Variants in BTBD7 observed in about 807,000 individuals in gnomAD.
The protein encoded by BTBD7 is BTB domain containing 7, also known as BTB/POZ domain-containing protein 7.
A neutral mutation model predicts 99.9 loss-of-function variants in BTBD7; 38 were observed. The ratio of observed to expected loss-of-function variants is 0.38; its 90% CI spans 0.29 to 0.50. The LOEUF (loss-of-function observed/expected upper bound fraction) is 0.50, where lower values mean the gene tolerates loss of function less well. Ranked by LOEUF, BTBD7 falls within the 20% of genes least tolerant of loss-of-function variation. The probability of loss-of-function intolerance (pLI) is 0.93; values close to 1 mark genes in which losing one functional copy is unlikely to be tolerated. For synonymous variants in BTBD7, 520 were observed against 511.4 expected (o/e 1.02, Z -0.23); for missense variants, 1,170 against 1,394.6 (o/e 0.84, Z 2.57).
At chr14:93,275,873 A>G (rs967223960) in intron 3 of BTBD7, among the ~76,000 whole-genome samples, 3 of 152,224 alleles carry the variant, frequency 2.0e-5, no homozygotes, top group African/African-American at 4.8e-5. Flanking sequence ...TATGTGGTAC[A>G]TGACCATTTA....
intron 1 of BTBD7, among the ~76,000 whole-genome samples, chr14:93,314,093 C>T (rs116603554): frequency 0.017 from 2,557 of 152,146 alleles, 79 homozygotes; most frequent in African/African-American, 0.059. Context: ...TTATGAAATA[C>T]TTCTTAAATA....
At chr14:93,272,361 C>T (rs749442618) in intron 3 of BTBD7, among the ~76,000 whole-genome samples, 9 of 152,168 alleles carry the variant, frequency 5.9e-5, no homozygotes, top group Admixed American at 1.3e-4. Context: ...GAGGATTACA[C>T]TGGAAATTGG....
chr14:93,326,066 C>T (rs1219287455), intron 1 of BTBD7, among the ~76,000 whole-genome samples: 1 of 152,098 alleles, frequency 6.6e-6, no homozygotes, highest in Non-Finnish European at 1.5e-5. Flanking sequence ...CAAAAAACCA[C>T]CACAGCGTGG....
chr14:93,322,917 C>A (rs996494697), intron 1 of BTBD7, among the ~76,000 whole-genome samples: 3 of 152,146 alleles, frequency 2.0e-5, no homozygotes, highest in African/African-American at 4.8e-5. Context: ...GAGTTCAAGA[C>A]CAGCCTGGGC....
At chr14:93,249,122 T>C (rs532370046) in intron 8 of BTBD7, among the ~76,000 whole-genome samples, 45 of 152,026 alleles carry the variant, frequency 3.0e-4, no homozygotes, top group African/African-American at 9.9e-4. Context: ...AAATACAATA[T>C]AGGGTCATAA....
At position 93,245,851 on chromosome 14, in the gene BTBD7, C is replaced by A; in HGVS notation, c.2557G>T (p.Ala853Ser). The stretch of plus-strand genomic sequence containing the variant: ...ACTTGCTTCTCAGATGCTGCTGCTG[C>A]TGCTGCTGTTGCTGTTGAGGTGGTG... Reference protein sequence around the residue: ...ATTTSTATAAAAAASEKQVRT... With the variant: ...ATTTSTATAASAAASEKQVRT... The change falls in exon 10 of 11, where the codon GCA (alanine) becomes TCA (serine). Residue 853 changes from alanine to serine, a missense_variant. Coordinates refer to ENST00000334746, the MANE Select transcript of BTBD7 (RefSeq NM_001002860.4). 6.2e-7 allele frequency: 1 copy of A among 1,613,370 alleles called. No homozygotes were observed.
At chr14:93,254,594 A>T (rs2052408912) in intron 6 of BTBD7, among the ~76,000 whole-genome samples, 1 of 152,202 alleles carries the variant, frequency 6.6e-6, no homozygotes, top group South Asian at 2.1e-4. Context: ...GTGACCATGG[A>T]CATCTCCTTT....
intron 3 of BTBD7, among the ~76,000 whole-genome samples, chr14:93,273,787 T>C (rs1043462817): frequency 6.6e-6 from 1 of 152,222 alleles, no homozygotes; most frequent in African/African-American, 2.4e-5. Flanking sequence ...GAGGATCATG[T>C]TCCCAGCACA....
At chr14:93,261,902 A>G (rs145924231) in intron 4 of BTBD7, among the ~76,000 whole-genome samples, 1 of 151,994 alleles carries the variant, frequency 6.6e-6, no homozygotes, top group Admixed American at 6.6e-5. Context: ...GGCTCCAACT[A>G]ATTTTTAAAT....
At chr14:93,302,201 CTTT>C (rs1315981026) in intron 1 of BTBD7, among the ~76,000 whole-genome samples, 1 of 152,302 alleles carries the variant, frequency 6.6e-6, no homozygotes, top group East Asian at 1.9e-4. Context: ...TTCTGGAGTT[CTTT>C]AAGCACAAGG....
rs533896824 is a variant in BTBD7 at position 93,288,256 on chromosome 14, G to A, written c.1162+5602C>T. The A allele has an allele frequency of 2.0e-5, 10 of 489,744 alleles. No individual in the cohort carries two copies. In the South Asian group the frequency reaches 3.8e-4, roughly 18 times the overall value. The allele number at this position is 489,744 out of a possible 1,614,324, so 30.3% of individuals were successfully genotyped here. ...ACTGTCTTCTCTTCACTTTTCTCTG[G>A]TATATATTTCTAAAGCCACTATTTG... On this transcript the variant is annotated intron_variant, in intron 3 of 10. Coordinates refer to ENST00000334746, the MANE Select transcript of BTBD7 (RefSeq NM_001002860.4).
At chr14:93,308,287 C>CAAAAAA (rs869127588) in intron 1 of BTBD7, among the ~76,000 whole-genome samples, 1 of 74,892 alleles carries the variant, frequency 1.3e-5, no homozygotes, top group East Asian at 4.3e-4. Flanking sequence ...ACTCGGTCTC[C>CAAAAAA]AAAAAAAAAA....
At position 93,253,700 on chromosome 14, in the gene BTBD7, C is replaced by T; in HGVS notation, c.1699G>A (p.Ala567Thr). ...KSNAWLRQKN[A>T]GIYVRPRLFS... ...AGTCGAGGACGAACATAGATGCCAG[C>T]ATTTTTTTGCCGTAACCAGGCATTT... Residue 567 changes from alanine (A) to threonine (T), a missense_variant, in exon 7 of 11, where the codon GCT (alanine) becomes ACT (threonine). Around this residue, in one of 4 missense-constraint regions of BTBD7, gnomAD observed 309 missense variants for 342.0 expected, o/e 0.90. Transcript: ENST00000334746. 6.2e-7 allele frequency: 1 copy of T among 1,613,492 alleles called. No homozygotes were observed. Among genetic ancestry groups the T allele is most frequent in the Non-Finnish European group, 8.5e-7 (1 of 1,179,596 alleles).
chr14:93,293,011 C>T (rs2052877010), intron 3 of BTBD7, among the ~76,000 whole-genome samples: 1 of 152,102 alleles, frequency 6.6e-6, no homozygotes, highest in Admixed American at 6.6e-5. Context: ...AGCTAATATG[C>T]ATTAGCTAAA....
chr14:93,252,821 GTTTTTTGTTTT>G (rs909184597), intron 7 of BTBD7, among the ~76,000 whole-genome samples: 6 of 150,860 alleles, frequency 4.0e-5, no homozygotes, highest in African/African-American at 1.2e-4. Flanking sequence ...AAGTTTTTTT[GTTTTTTGTTTT>G]TTTTTTGAAG....
In BTBD7 at chr14:93,332,900, T is replaced by C; in HGVS notation, c.-187A>G. On this transcript the variant is annotated 5_prime_UTR_variant, in exon 1 of 11. Coordinates refer to ENST00000334746, the MANE Select transcript of BTBD7 (RefSeq NM_001002860.4). Reference sequence around the variant, plus strand: ...GCCGCCGCCGCCACCAGCACCGCCGTCCGCACCGGCGCCAGCACCCCCGGC... The same window carrying C: ...GCCGCCGCCGCCACCAGCACCGCCGCCCGCACCGGCGCCAGCACCCCCGGC... 1 of 1,379,990 alleles carries C rather than the reference T, an allele frequency of 7.2e-7. No homozygotes were observed. The highest frequency in any genetic ancestry group is 9.6e-7 in the Non-Finnish European group (1 of 1,044,706). The allele number at this position is 1,379,990 out of a possible 1,614,324, so 85.5% of individuals were successfully genotyped here.
chr14:93,269,325 A>G (rs2052576241), intron 3 of BTBD7, among the ~76,000 whole-genome samples: 1 of 152,366 alleles, frequency 6.6e-6, no homozygotes, highest in African/African-American at 2.4e-5. Context: ...AAATGTAAAT[A>G]TAGCAGCAAG....
intron 1 of BTBD7, among the ~76,000 whole-genome samples, chr14:93,319,037 T>A (rs925637453): frequency 2.0e-5 from 3 of 152,174 alleles, no homozygotes; most frequent in Non-Finnish European, 4.4e-5. Context: ...GGCAACAGGC[T>A]GTTACAAAAA....
chr14:93,330,900 G>A (rs2053395136), intron 1 of BTBD7, among the ~76,000 whole-genome samples: 1 of 152,168 alleles, frequency 6.6e-6, no homozygotes. Flanking sequence ...TAAAATCAGA[G>A]TCTGATAGAA....
Sources: gnomAD v4.1 joint callset for allele counts (sites outside exome capture counted in the v4.1 genomes callset) on GRCh38, gnomAD v4.1.1 for gene constraint, gnomAD v4.1.1 regional missense constraint, MANE v1.5 for transcripts, NCBI Gene and HGNC (gene_info 2026-07-23, HGNC 2026-07-21) for gene names.